CFAP251: variants seen among roughly 807,000 people sequenced by gnomAD.
CFAP251 encodes the protein cilia and flagella associated protein 251.
A neutral mutation model predicts 126.7 loss-of-function variants in CFAP251; 93 were observed. That is an observed-to-expected ratio of 0.73 (90% CI 0.62 to 0.87). CFAP251 has a LOEUF of 0.87. Ranked by LOEUF, CFAP251 falls within the 40% of genes least tolerant of loss-of-function variation. CFAP251 has a pLI of 0.00. For synonymous variants in CFAP251, 503 were observed against 506.9 expected (o/e 0.99, Z 0.10); for missense variants, 1,287 against 1,389.2 (o/e 0.93, Z 1.17).
At chr12:121,981,601 C>A (rs1253278018) in intron 19 of CFAP251, among the ~76,000 whole-genome samples, 1 of 152,198 alleles carries the variant, frequency 6.6e-6, no homozygotes, top group South Asian at 2.1e-4. Context: ...CCCAGGTGCC[C>A]CTTCCTCAGC....
chr12:121,972,150 T>G (rs1882348733), intron 17 of CFAP251: 1 of 157,244 alleles, frequency 6.4e-6, no homozygotes, highest in African/African-American at 2.4e-5. Flanking sequence ...AATGGGGCAC[T>G]GCTGAAAAGA....
intron 2 of CFAP251, 53 bp downstream of exon 2, chr12:121,921,736 T>C (rs1009674292): frequency 2.6e-6 from 4 of 1,546,584 alleles, no homozygotes; most frequent in Non-Finnish European, 3.5e-6. Flanking sequence ...ATTAGTTGAA[T>C]GCTTAGTATA....
chr12:121,969,301 TCCACC>T, intron 17 of CFAP251: 1 of 985,444 alleles, frequency 1.0e-6, no homozygotes, highest in South Asian at 4.7e-5. Context: ...AGCTCTGACT[TCCACC>T]CCACCTTCAC....
intron 15 of CFAP251, among the ~76,000 whole-genome samples, chr12:121,965,329 C>A (rs189394977): frequency 2.0e-5 from 3 of 152,264 alleles, no homozygotes; most frequent in African/African-American, 7.2e-5. Context: ...CACTCTCATC[C>A]GCTTCTGGGG....
intron 19 of CFAP251, chr12:121,992,437 G>A: frequency 1.0e-6 from 1 of 985,296 alleles, no homozygotes; most frequent in Non-Finnish European, 1.2e-6. Flanking sequence ...AATGTTTGCT[G>A]AGCTCTTTGG....
Position 121,966,942 on chromosome 12 carries a change from T to G in CFAP251, c.2493-13T>G. ...TGTGGAATTTTAAAAACTCTTTCTC[T>G]TTTTGCCTTCAGAAAGACGCTTCTG... On this transcript the variant is annotated splice_polypyrimidine_tract_variant and intron_variant, in intron 15 of 21. Transcript: ENST00000288912. 6.2e-7 allele frequency: 1 copy of G among 1,610,460 alleles called. No homozygotes were observed. The highest frequency in any genetic ancestry group is 8.5e-7 in the Non-Finnish European group (1 of 1,177,190).
chr12:121,992,270 C>T lies in CFAP251; in HGVS notation c.3007-7446C>T, dbSNP rs564257751. The T allele has an allele frequency of 5.1e-6, 5 of 985,460 alleles. No homozygotes were observed. In the African/African-American group the frequency reaches 8.7e-5, roughly 17 times the overall value. 61.0% of individuals were successfully genotyped at this position (985,460 alleles called of 1,614,324 possible). A position where few individuals can be genotyped will look rare whatever the true frequency, so the allele number is the denominator to read the frequency against. On this transcript the variant is annotated intron_variant, in intron 19 of 21. Transcript: ENST00000288912. ...AACTTTGTTCAGACAAGTAGCAGAA[C>T]CTGCCTTTTCAACGAACACTTGCGA...
chr12:122,003,813 G>A lies in CFAP251; in HGVS notation c.*49G>A. 7.1e-7 allele frequency: 1 copy of A among 1,402,322 alleles called. No individual in the cohort carries two copies. Among genetic ancestry groups the A allele is most frequent in the Non-Finnish European group, 9.7e-7 (1 of 1,027,478 alleles). 86.9% of individuals were successfully genotyped at this position (1,402,322 alleles called of 1,614,324 possible). ...CAAAGGACTTTGGGTGTGTGTGCAT[G>A]CACATGTGTGTGTTTTCCATGAGGC... On this transcript the variant is annotated 3_prime_UTR_variant, in exon 22 of 22. Transcript: ENST00000288912.
At chr12:121,943,500 A>G (rs1226311063) in intron 7 of CFAP251, among the ~76,000 whole-genome samples, 2 of 151,952 alleles carry the variant, frequency 1.3e-5, no homozygotes, top group African/African-American at 4.8e-5. Flanking sequence ...TCGGCTCAAC[A>G]CAACCTCTGC....
At chr12:121,985,231 G>A (rs573374393) in intron 19 of CFAP251, among the ~76,000 whole-genome samples, 2 of 152,090 alleles carry the variant, frequency 1.3e-5, no homozygotes, top group African/African-American at 4.8e-5. Context: ...CTCAACAAAT[G>A]TACTTTTAAG....
At chr12:121,965,520 A>G (rs1882090358) in intron 15 of CFAP251, among the ~76,000 whole-genome samples, 2 of 152,190 alleles carry the variant, frequency 1.3e-5, no homozygotes, top group Admixed American at 6.5e-5. Flanking sequence ...CCAAATGCCC[A>G]TTAATAGGGG....
intron 5 of CFAP251, among the ~76,000 whole-genome samples, chr12:121,941,463 A>T (rs990704920): frequency 4.7e-5 from 7 of 149,350 alleles, no homozygotes; most frequent in Non-Finnish European, 5.9e-5. Context: ...CCTCCCAAGT[A>T]GTTGGGCCCA....
chr12:121,983,898 G>A (rs958063095), intron 19 of CFAP251, among the ~76,000 whole-genome samples: 7 of 152,104 alleles, frequency 4.6e-5, no homozygotes, highest in African/African-American at 1.7e-4. Context: ...GATTTATAGT[G>A]ATTAAAAAAA....
chr12:121,928,124 T>C (rs1880492524), intron 3 of CFAP251, among the ~76,000 whole-genome samples: 1 of 152,198 alleles, frequency 6.6e-6, no homozygotes, highest in Non-Finnish European at 1.5e-5. Flanking sequence ...ACAGGAGTCC[T>C]TTTAGGAATG....
chr12:121,986,411 C>T (rs1344728617), intron 19 of CFAP251, among the ~76,000 whole-genome samples: 3 of 151,558 alleles, frequency 2.0e-5, no homozygotes, highest in Admixed American at 6.6e-5. Flanking sequence ...CATTCTCCTG[C>T]CTCAGCCTCC....
intron 19 of CFAP251, among the ~76,000 whole-genome samples, chr12:121,983,185 G>A (rs1882665759): frequency 6.6e-6 from 1 of 152,140 alleles, no homozygotes; most frequent in African/African-American, 2.4e-5. Flanking sequence ...GTAGTGAGCT[G>A]TGATTGTGCC....
chr12:121,944,038 C>T (rs1881227171), intron 7 of CFAP251, among the ~76,000 whole-genome samples: 1 of 152,188 alleles, frequency 6.6e-6, no homozygotes, highest in Non-Finnish European at 1.5e-5. Context: ...TCCCAACTTG[C>T]ATGAGGTGAC....
intron 4 of CFAP251, chr12:121,932,300 T>C (rs1667583): frequency 0.88 from 134,645 of 152,540 alleles, 59,629 homozygotes; most frequent in African/African-American, 0.96. Context: ...TATTCATATA[T>C]CCATTTTACA....
In CFAP251 at chr12:122,003,831, C is replaced by T; in HGVS notation, c.*67C>T. On this transcript the variant is annotated 3_prime_UTR_variant, in exon 22 of 22. Coordinates refer to ENST00000288912, the MANE Select transcript of CFAP251 (RefSeq NM_144668.6). ...TGTGCATGCACATGTGTGTGTTTTCCATGAGGCACTGCTTTTTATGCATTT... is the reference window on the plus strand; with the variant it reads ...TGTGCATGCACATGTGTGTGTTTTCTATGAGGCACTGCTTTTTATGCATTT... 1.7e-6 allele frequency: 2 copies of T among 1,210,270 alleles called. No homozygotes were observed. Among genetic ancestry groups the T allele is most frequent in the South Asian group, 1.5e-5 (1 of 64,658 alleles). 75.0% of individuals were successfully genotyped at this position (1,210,270 alleles called of 1,614,324 possible).
Sources: allele counts gnomAD v4.1 joint callset (sites outside exome capture counted in the v4.1 genomes callset), GRCh38; gene constraint gnomAD v4.1.1; transcripts MANE v1.5; gene names NCBI Gene and HGNC (gene_info 2026-07-23, HGNC 2026-07-21).